Variants in GSTCD observed in about 807,000 individuals in gnomAD.
The protein encoded by GSTCD is glutathione S-transferase C-terminal domain-containing protein.
GSTCD carries 44 observed loss-of-function variants against 68.3 expected under a neutral mutation model. The observed-to-expected ratio is 0.64, with a 90% CI of 0.51 to 0.83. The LOEUF (loss-of-function observed/expected upper bound fraction) is 0.83. GSTCD is among the 40% of genes least tolerant of loss of function. The pLI is 0.00. For missense variants in GSTCD, 739 were observed against 735.9 expected, an observed-to-expected ratio of 1.00 and a Z score of -0.05; for synonymous variants, 273 against 255.2, an observed-to-expected ratio of 1.07 and a Z score of -0.67.
intron 5 of GSTCD, among the ~76,000 whole-genome samples, chr4:105,772,798 G>A (rs944517188): frequency 6.6e-6 from 1 of 152,144 alleles, no homozygotes; most frequent in African/African-American, 2.4e-5. Context: ...AGTTCATCAT[G>A]GATATTAGCC....
At position 105,825,768 on chromosome 4, in the gene GSTCD, A is replaced by G; in HGVS notation, c.1498A>G (p.Met500Val). Residue 500 changes from methionine (M) to valine (V), a missense_variant, in exon 8 of 12, where the codon ATG becomes GTG. Physicochemically the swap from Met to Val is conservative, Grantham distance 21. Transcript: ENST00000515279. ...LSNIWFIQANMEYFTGMFNIG... is the reference protein window; with the variant it reads ...LSNIWFIQANVEYFTGMFNIG... Reference sequence around the variant, plus strand: ...CAACATTTGGTTCATTCAAGCAAATATGGAATATTTTACTGGGATGTTTAA... The same window carrying G: ...CAACATTTGGTTCATTCAAGCAAATGTGGAATATTTTACTGGGATGTTTAA... The G allele has an allele frequency of 1.3e-6, 2 of 1,545,774 alleles. No individual in the cohort carries two copies. Among genetic ancestry groups the G allele is most frequent in the Non-Finnish European group, 1.8e-6 (2 of 1,119,622 alleles).
At chr4:105,755,560 A>G (rs906878497) in intron 5 of GSTCD, among the ~76,000 whole-genome samples, 2 of 152,194 alleles carry the variant, frequency 1.3e-5, no homozygotes, top group African/African-American at 2.4e-5. Flanking sequence ...CTCCAATTCA[A>G]TTCTGACATC....
At position 105,778,181 on chromosome 4, in the gene GSTCD, T is replaced by C. The variant is rs561045676; in HGVS notation, c.1241-44773T>C. Among the ~76,000 whole-genome samples the C allele has an allele frequency of 2.0e-5, 3 of 152,288 alleles. No individual in the cohort carries two copies. In the South Asian group the frequency reaches 6.2e-4, roughly 32 times the overall value. On this transcript the variant is annotated intron_variant, in intron 5 of 11. Transcript: ENST00000515279. ...TGTCAGCTAAGCTTTACATTAATAA[T>C]AGAACCTACTCAATGGGTCGGTTTG...
chr4:105,739,843 G>C (rs1733574045), intron 5 of GSTCD, among the ~76,000 whole-genome samples: 3 of 152,136 alleles, frequency 2.0e-5, no homozygotes, highest in Non-Finnish European at 4.4e-5. Context: ...CCTAGGAGCA[G>C]GTGCAACCAT....
At position 105,726,738 on chromosome 4, in the gene GSTCD, C is replaced by A; in HGVS notation, c.1054C>A (p.Gln352Lys). The change falls in exon 4 of 12, where the codon CAG becomes AAG. Residue 352 changes from glutamine to lysine, a missense_variant. Transcript: ENST00000515279. ...LPKLLTTSTEQHPNLCEVPGV... is the reference protein window; with the variant it reads ...LPKLLTTSTEKHPNLCEVPGV... The stretch of plus-strand genomic sequence containing the variant: ...AAAGTTGTTGACAACCTCAACTGAA[C>A]AGCATCCAAACTTATGTGAAGTCCC... 6.2e-7 allele frequency: 1 copy of A among 1,613,846 alleles called. No homozygotes were observed.
At chr4:105,809,305 A>G (rs1274953735) in intron 5 of GSTCD, among the ~76,000 whole-genome samples, 3 of 152,086 alleles carry the variant, frequency 2.0e-5, no homozygotes, top group African/African-American at 4.8e-5. Flanking sequence ...GTCGGGTTCA[A>G]TACTATCTGA....
At chr4:105,751,092 A>G (rs995006878) in intron 5 of GSTCD, among the ~76,000 whole-genome samples, 2 of 152,180 alleles carry the variant, frequency 1.3e-5, no homozygotes, top group African/African-American at 4.8e-5. Flanking sequence ...CATGCATGTA[A>G]AAACTGGTGA....
At chr4:105,790,856 A>T (rs1365755295) in intron 5 of GSTCD, among the ~76,000 whole-genome samples, 1 of 152,034 alleles carries the variant, frequency 6.6e-6, no homozygotes, top group Non-Finnish European at 1.5e-5. Flanking sequence ...ATGTTTTCAG[A>T]GCAGTTGTTA....
rs997232976 is a variant in GSTCD at position 105,748,776 on chromosome 4, CAT to C, written c.1240+19278_1240+19279del. On this transcript the variant is annotated intron_variant, in intron 5 of 11. Transcript: ENST00000515279. ...TATATGAGTGATATATAGAGCAAAA[CAT>C]GTGTTAAATTTATTTCTTTTTCTGG... 1.2e-4 allele frequency among the ~76,000 whole-genome samples: 18 copies of C among 145,848 alleles called. No homozygotes were observed. The South Asian group carries it at 1.4e-3, about 11-fold the overall frequency.
At chr4:105,810,759 A>G (rs1343337101) in intron 5 of GSTCD, among the ~76,000 whole-genome samples, 1 of 152,130 alleles carries the variant, frequency 6.6e-6, no homozygotes, top group East Asian at 1.9e-4. Context: ...AATTTCAAGG[A>G]ATAAAAATTA....
Position 105,797,045 on chromosome 4 carries a change from CAT to C in GSTCD, c.1241-25908_1241-25907del, listed in dbSNP as rs1491154098. On this transcript the variant is annotated intron_variant, in intron 5 of 11. Transcript: ENST00000515279. Reference sequence around the variant, plus strand: ...GAGGAAATGATAAGAGACAGAGATACATGTGTGTGTGTGTGTGTGTGTGTGTG... The same window carrying C: ...GAGGAAATGATAAGAGACAGAGATACGTGTGTGTGTGTGTGTGTGTGTGTG... Among the ~76,000 whole-genome samples, 451 of 140,422 alleles carry C rather than the reference CAT, an allele frequency of 3.2e-3. 2 individuals are homozygous for C. Among genetic ancestry groups the C allele is most frequent in the African/African-American group, 9.9e-3 (380 of 38,352 alleles). 92.1% of individuals were successfully genotyped at this position (140,422 alleles called of 152,430 possible). A position where few individuals can be genotyped will look rare whatever the true frequency, so the allele number is the denominator to read the frequency against.
chr4:105,845,409 G>T (rs1045738447), intron 11 of GSTCD, 32 bp from the exon 12 acceptor site: 1 of 1,613,256 alleles, frequency 6.2e-7, no homozygotes, highest in Non-Finnish European at 8.5e-7. Context: ...TAGTGAAAGG[G>T]TGTCTCATGA....
chr4:105,827,998 A>G (rs982081086), intron 8 of GSTCD, among the ~76,000 whole-genome samples: 4 of 152,124 alleles, frequency 2.6e-5, no homozygotes, highest in African/African-American at 9.7e-5. Context: ...ACTATGGAAA[A>G]ATGCTCATTT....
chr4:105,785,945 A>C (rs1735448708), intron 5 of GSTCD, among the ~76,000 whole-genome samples: 1 of 148,660 alleles, frequency 6.7e-6, no homozygotes, highest in Non-Finnish European at 1.5e-5. Context: ...TTGAACTTGC[A>C]CCTGCAATGA....
chr4:105,764,653 G>A (rs1473457166), intron 5 of GSTCD, among the ~76,000 whole-genome samples: 2 of 152,204 alleles, frequency 1.3e-5, no homozygotes, highest in East Asian at 1.9e-4. Flanking sequence ...CACCAGTCCT[G>A]TCAAATTAAG....
At chr4:105,839,084 C>CA (rs1193119145) in intron 10 of GSTCD, among the ~76,000 whole-genome samples, 3 of 152,184 alleles carry the variant, frequency 2.0e-5, no homozygotes, top group Non-Finnish European at 4.4e-5. Flanking sequence ...ATGTGCTACT[C>CA]ACACCTTCCC....
At position 105,846,830 on chromosome 4, in the gene GSTCD, T is replaced by G. The variant is rs1724569635; in HGVS notation, c.*1253T>G. The G allele has an allele frequency of 6.6e-6, 1 of 151,950 alleles. No homozygotes were observed. Among genetic ancestry groups the G allele is most frequent in the Non-Finnish European group, 1.5e-5 (1 of 68,020 alleles). The allele number at this position is 151,950 out of a possible 1,614,324, so 9.4% of individuals were successfully genotyped here. Reference sequence around the variant, plus strand: ...GCCACCATGCCCGGCTAATTTTGTTTGTAATTTTAGTAGAGATGGGGTTTC... The same window carrying G: ...GCCACCATGCCCGGCTAATTTTGTTGGTAATTTTAGTAGAGATGGGGTTTC... On this transcript the variant is annotated 3_prime_UTR_variant, in exon 12 of 12. Transcript: ENST00000515279.
intron 5 of GSTCD, among the ~76,000 whole-genome samples, chr4:105,782,504 A>G (rs1001609058): frequency 6.6e-6 from 1 of 152,152 alleles, no homozygotes; most frequent in Admixed American, 6.5e-5. Flanking sequence ...AAAACAAAAC[A>G]AAACAAAACA....
In GSTCD at chr4:105,845,522, T is replaced by C. The variant is rs1222886712; in HGVS notation, c.1847T>C (p.Met616Thr). Residue 616 changes from methionine (M) to threonine (T), a missense_variant, in exon 12 of 12, where the codon ATG (methionine) becomes ACG (threonine). Coordinates refer to ENST00000515279, the MANE Select transcript of GSTCD (RefSeq NM_001370181.1). The part of the protein sequence containing the change: ...ECGYSVQVIS[M>T]EPESCSPKNN... ...GGATACTCCGTTCAAGTGATATCCA[T>C]GGAGCCAGAGAGCTGCTCTCCCAAA... 1 of 1,614,046 alleles carries C rather than the reference T, an allele frequency of 6.2e-7. No homozygotes were observed. The highest frequency in any genetic ancestry group is 8.5e-7 in the Non-Finnish European group (1 of 1,179,892).
Sources: allele counts gnomAD v4.1 joint callset (sites outside exome capture counted in the v4.1 genomes callset), GRCh38; gene constraint gnomAD v4.1.1; transcripts MANE v1.5; gene names NCBI Gene and HGNC (gene_info 2026-07-23, HGNC 2026-07-21).